CDH12: variants seen among roughly 807,000 people sequenced by gnomAD.
CDH12 encodes the protein cadherin 12, also known as cadherin-12.
In CDH12, 41 loss-of-function variants were observed where a neutral mutation model predicts 74.1. The observed-to-expected ratio is 0.55, with a 90% confidence interval of 0.43 to 0.72. The LOEUF (loss-of-function observed/expected upper bound fraction) is 0.72, where lower values mean the gene tolerates loss of function less well. CDH12 is among the 30% of genes least tolerant of loss of function. CDH12 has a pLI of 0.00. For missense variants in CDH12, 945 were observed against 977.2 expected, an observed-to-expected ratio of 0.97 and a Z score of 0.44; for synonymous variants, 399 against 355.0, an observed-to-expected ratio of 1.12 and a Z score of -1.39.
intron 5 of CDH12, among the ~76,000 whole-genome samples, chr5:22,004,102 A>AT (rs1225749013): frequency 6.6e-6 from 1 of 152,206 alleles, no homozygotes; most frequent in African/African-American, 2.4e-5. Flanking sequence ...ATATCAGTGA[A>AT]TGAGAATACA....
At chr5:22,349,524 C>T (rs145277092) in intron 3 of CDH12, among the ~76,000 whole-genome samples, 3 of 151,820 alleles carry the variant, frequency 2.0e-5, no homozygotes, top group Non-Finnish European at 4.4e-5. Context: ...AATTTTAATC[C>T]CCTCTTTCCC....
At chr5:22,769,544 GA>G (rs1746697592) in intron 1 of CDH12, among the ~76,000 whole-genome samples, 2 of 152,062 alleles carry the variant, frequency 1.3e-5, no homozygotes. Context: ...TCAGCTTGGA[GA>G]TAGCCTATCG....
chr5:22,183,242 G>C (rs1419494275), intron 4 of CDH12, among the ~76,000 whole-genome samples: 1 of 151,002 alleles, frequency 6.6e-6, no homozygotes, highest in Non-Finnish European at 1.5e-5. Context: ...CATTCAAGGA[G>C]AGACTGGTGA....
chr5:21,777,315 CTA>C (rs1040272065), intron 11 of CDH12, among the ~76,000 whole-genome samples: 6 of 151,842 alleles, frequency 4.0e-5, no homozygotes, highest in Non-Finnish European at 5.9e-5. Context: ...ACATATTTTT[CTA>C]TTCTGAGTCT....
At chr5:21,813,126 G>T (rs995891535) in intron 9 of CDH12, among the ~76,000 whole-genome samples, 1 of 152,058 alleles carries the variant, frequency 6.6e-6, no homozygotes, top group African/African-American at 2.4e-5. Flanking sequence ...CTGAGCTATT[G>T]CTTTCATTAT....
At chr5:22,652,785 G>A (rs962742481) in intron 1 of CDH12, among the ~76,000 whole-genome samples, 16 of 152,126 alleles carry the variant, frequency 1.1e-4, no homozygotes, top group Middle Eastern at 3.4e-3. Flanking sequence ...TCTTCAGAGG[G>A]GAAAAAGGAT....
At chr5:21,828,031 C>A (rs1021532296) in intron 8 of CDH12, among the ~76,000 whole-genome samples, 1 of 152,010 alleles carries the variant, frequency 6.6e-6, no homozygotes, top group African/African-American at 2.4e-5. Flanking sequence ...TGCCTAATAA[C>A]TTTACAAAAA....
At chr5:22,276,984 T>C (rs1386291872) in intron 3 of CDH12, among the ~76,000 whole-genome samples, 1 of 152,208 alleles carries the variant, frequency 6.6e-6, no homozygotes, top group Non-Finnish European at 1.5e-5. Flanking sequence ...AAGTGACTAA[T>C]TCAGTAAGCT....
At chr5:22,766,711 G>A (rs530087224) in intron 1 of CDH12, among the ~76,000 whole-genome samples, 41 of 152,096 alleles carry the variant, frequency 2.7e-4, no homozygotes, top group African/African-American at 8.7e-4. Context: ...CATTTGTACC[G>A]AACATGCAGA....
Position 22,413,276 on chromosome 5 carries a change from G to A in CDH12, c.-427-7925C>T, listed in dbSNP as rs1395818680. Among the ~76,000 whole-genome samples, 4 of 151,818 alleles carry A rather than the reference G, an allele frequency of 2.6e-5. 1 individual carries two copies. The highest frequency in any genetic ancestry group is 2.6e-4 in the Admixed American group (4 of 15,222). ...ATGTATGGCATGAAAAGTCCAAAGG[G>A]GAAAAGTAGTAAGCTCAAAATGCAT... On this transcript the variant is annotated intron_variant, in intron 2 of 14. Coordinates refer to ENST00000382254, the MANE Select transcript of CDH12 (RefSeq NM_004061.5).
intron 8 of CDH12, among the ~76,000 whole-genome samples, chr5:21,832,605 A>G (rs1402715595): frequency 6.6e-6 from 1 of 151,104 alleles, no homozygotes; most frequent in Non-Finnish European, 1.5e-5. Flanking sequence ...AGATTTTAAT[A>G]TTTAGTCTTT....
intron 1 of CDH12, among the ~76,000 whole-genome samples, chr5:22,512,230 T>A (rs759669891): frequency 6.6e-5 from 10 of 152,172 alleles, no homozygotes; most frequent in Non-Finnish European, 1.3e-4. Context: ...GCTGTTAGCT[T>A]ACAAAGTGAT....
chr5:21,852,483 T>G (rs1750524060), intron 7 of CDH12, among the ~76,000 whole-genome samples: 1 of 151,452 alleles, frequency 6.6e-6, no homozygotes, highest in Admixed American at 6.6e-5. Context: ...AGAGTATGTT[T>G]TTTGGTTCAT....
Position 22,483,748 on chromosome 5 carries a change from CTATA to C in CDH12, c.-428+21518_-428+21521del, listed in dbSNP as rs573933210. On this transcript the variant is annotated intron_variant, in intron 2 of 14. Transcript: ENST00000382254. ...TAGCAAGGACCTGTCTCTTTCAAAA[CTATA>C]TATATATATATAAATTTAATTAATT... 8.7e-3 allele frequency among the ~76,000 whole-genome samples: 199 copies of C among 22,784 alleles called. 37 individuals carry two copies. Among genetic ancestry groups the C allele is most frequent in the Middle Eastern group, 0.071 (3 of 42 alleles). 14.9% of individuals were successfully genotyped at this position (22,784 alleles called of 152,430 possible).
At chr5:22,294,715 G>A (rs10054745) in intron 3 of CDH12, among the ~76,000 whole-genome samples, 17 of 152,124 alleles carry the variant, frequency 1.1e-4, no homozygotes, top group African/African-American at 4.1e-4. Context: ...TTTTTATATA[G>A]TGAACAAAAT....
At chr5:21,960,575 G>T (rs572225407) in intron 6 of CDH12, among the ~76,000 whole-genome samples, 3 of 151,944 alleles carry the variant, frequency 2.0e-5, no homozygotes, top group Non-Finnish European at 4.4e-5. Context: ...CTAATTTTGG[G>T]ATTATTTCTG....
intron 4 of CDH12, among the ~76,000 whole-genome samples, chr5:22,193,887 C>T (rs1322017185): frequency 6.6e-6 from 1 of 152,186 alleles, no homozygotes. Flanking sequence ...CTTACTAATA[C>T]AATTGAATTT....
At position 21,842,168 on chromosome 5, in the gene CDH12, G is replaced by T; in HGVS notation, c.807C>A (p.Phe269Leu). 6.2e-7 allele frequency: 1 copy of T among 1,607,558 alleles called. No homozygotes were observed. Among genetic ancestry groups the T allele is most frequent in the Non-Finnish European group, 8.5e-7 (1 of 1,177,584 alleles). ...ACAGGAAAGGTGACATACTTTTGGG[G>T]AATCGAGGTGGATTGTCATTGACAT... ...LTDVNDNPPR[F>L]PKSIFHLKVP... is the part of the protein sequence containing the mutation. Residue 269 changes from phenylalanine (F) to leucine (L), a missense_variant, in exon 8 of 15, where the codon TTC becomes TTA. By Grantham distance (22) the Phe-to-Leu change is conservative (BLOSUM62 0). Coordinates refer to ENST00000382254, the MANE Select transcript of CDH12 (RefSeq NM_004061.5).
At chr5:22,775,281 T>C (rs1365134539) in intron 1 of CDH12, among the ~76,000 whole-genome samples, 2 of 152,002 alleles carry the variant, frequency 1.3e-5, no homozygotes, top group Non-Finnish European at 2.9e-5. Context: ...GGTTAAAAGA[T>C]ACCACGGTCA....
Sources: allele counts gnomAD v4.1 joint callset (sites outside exome capture counted in the v4.1 genomes callset), GRCh38; gene constraint gnomAD v4.1.1; transcripts MANE v1.5; gene names NCBI Gene and HGNC (gene_info 2026-07-23, HGNC 2026-07-21).